The following EPG5 variants were observed in gnomAD, a reference collection of about 807,000 sequenced individuals.
EPG5 encodes the protein ectopic P granules protein 5 homolog.
EPG5 carries 159 observed loss-of-function variants against 302.7 expected under a neutral mutation model. The ratio of observed to expected loss-of-function variants is 0.53; its 90% CI spans 0.46 to 0.60. The LOEUF is 0.60. Ranked by LOEUF, EPG5 falls within the 20% of genes least tolerant of loss-of-function variation. The pLI is 0.00. For synonymous variants in EPG5, 1,158 were observed against 1,136.8 expected, an observed-to-expected ratio of 1.02 and a Z score of -0.37; for missense variants, 2,896 against 3,092.4, an observed-to-expected ratio of 0.94 and a Z score of 1.51.
intron 27 of EPG5, 86 bp from the exon 28 acceptor site, chr18:45,890,026 CT>C: frequency 8.3e-7 from 1 of 1,212,102 alleles, no homozygotes; most frequent in Non-Finnish European, 1.1e-6. Flanking sequence ...AAATTATTGT[CT>C]TATAAAAATA....
At chr18:45,956,448 G>A (rs1185691384) in intron 1 of EPG5, among the ~76,000 whole-genome samples, 1 of 146,268 alleles carries the variant, frequency 6.8e-6, no homozygotes, top group Non-Finnish European at 1.5e-5. Flanking sequence ...TCTTTAGGGT[G>A]TTTTATTTAT....
At position 45,852,472 on chromosome 18, in the gene EPG5, G is replaced by T; in HGVS notation, c.7735C>A (p.Arg2579=). 1 of 1,613,436 alleles carries T rather than the reference G, an allele frequency of 6.2e-7. No individual in the cohort carries two copies. The highest frequency in any genetic ancestry group is 1.3e-5 in the African/African-American group (1 of 74,980). The change falls in exon 44 of 44, where the codon CGA becomes AGA. Residue 2579 remains arginine (R), a synonymous_variant. Transcript: ENST00000282041. The part of the protein sequence containing the change: ...YPEVHYLDHI[R] Reference sequence around the variant, plus strand: ...TTCAAGAGCCTCAGTGTTAACTATCGTATGTGGTCCAAATAATGCACTTCT... The same window carrying T: ...TTCAAGAGCCTCAGTGTTAACTATCTTATGTGGTCCAAATAATGCACTTCT...
In EPG5 at chr18:45,878,994, C is replaced by T. The variant is rs751631563; in HGVS notation, c.5869+19G>A. ...AAAGTCCAAACACCTAGCTCCACAT[C>T]GCATGAGAAGTATATTACCTGTTTT... On this transcript the variant is annotated intron_variant, in intron 33 of 43. Transcript: ENST00000282041. 37 of 1,606,046 alleles carry T rather than the reference C, an allele frequency of 2.3e-5. No individual in the cohort carries two copies. Among genetic ancestry groups the T allele is most frequent in the African/African-American group, 4.0e-5 (3 of 74,856 alleles).
chr18:45,907,534 G>A (rs990842725), intron 24 of EPG5, among the ~76,000 whole-genome samples: 1 of 152,060 alleles, frequency 6.6e-6, no homozygotes, highest in Non-Finnish European at 1.5e-5. Context: ...AAACAAAGGT[G>A]AGCTCCTGAT....
At chr18:45,809,272 G>A in the EPG5 span, among the ~76,000 whole-genome samples, 4 of 152,084 alleles carry the variant, frequency 2.6e-5, no homozygotes, top group Admixed American at 2.0e-4. Flanking sequence ...CACAATAATA[G>A]TGGGGGACTT....
intron 24 of EPG5, among the ~76,000 whole-genome samples, chr18:45,905,315 G>A (rs1308775192): frequency 6.6e-6 from 1 of 152,108 alleles, no homozygotes; most frequent in Non-Finnish European, 1.5e-5. Context: ...GTGTTCTAAA[G>A]GCCCAAGGAT....
At chr18:45,838,713 T>C in the EPG5 span, 1 of 1,568,888 alleles carries the variant, frequency 6.4e-7, no homozygotes, top group Non-Finnish European at 8.6e-7. Flanking sequence ...CCTTCTCCCC[T>C]GCAGCCGCGC....
chr18:45,955,351 T>C lies in EPG5; in HGVS notation c.64-13A>G. ...ACTTCTTCTTTTCCTAAAAACAACATACATAATGTGAAATAATTTATCACA... is the reference window on the plus strand; with the variant it reads ...ACTTCTTCTTTTCCTAAAAACAACACACATAATGTGAAATAATTTATCACA... On this transcript the variant is annotated splice_polypyrimidine_tract_variant and intron_variant, in intron 1 of 43. Transcript: ENST00000282041. The C allele has an allele frequency of 6.7e-7, 1 of 1,482,154 alleles. No homozygotes were observed. Among genetic ancestry groups the C allele is most frequent in the Non-Finnish European group, 9.1e-7 (1 of 1,102,318 alleles). 91.8% of individuals were successfully genotyped at this position (1,482,154 alleles called of 1,614,324 possible). A position where few individuals can be genotyped will look rare whatever the true frequency, so the allele number is the denominator to read the frequency against.
At chr18:45,927,204 T>G (rs540841541) in intron 13 of EPG5, among the ~76,000 whole-genome samples, 47 of 150,378 alleles carry the variant, frequency 3.1e-4, no homozygotes, top group African/African-American at 8.5e-4. Context: ...GGCTAATTTG[T>G]TTTTTTTTCC....
chr18:45,957,825 A>G (rs7226881), intron 1 of EPG5, among the ~76,000 whole-genome samples: 45,204 of 152,162 alleles, frequency 0.3, 9,331 homozygotes, highest in African/African-American at 0.57. Flanking sequence ...TGGCAATGCT[A>G]AACCATCACA....
intron 39 of EPG5, among the ~76,000 whole-genome samples, chr18:45,861,798 T>C (rs2048642024): frequency 6.6e-6 from 1 of 152,208 alleles, no homozygotes; most frequent in African/African-American, 2.4e-5. Flanking sequence ...TCAAGGGTCT[T>C]GTCCATTTTT....
At chr18:45,884,232 T>A (rs1007164009) in intron 30 of EPG5, among the ~76,000 whole-genome samples, 1 of 152,138 alleles carries the variant, frequency 6.6e-6, no homozygotes, top group Non-Finnish European at 1.5e-5. Flanking sequence ...TAGAGTCTCA[T>A]AGAAGTGCGA....
At position 45,962,209 on chromosome 18, in the gene EPG5, A is replaced by C. The variant is rs142813191; in HGVS notation, c.63+4968T>G. On this transcript the variant is annotated intron_variant, in intron 1 of 43. Coordinates refer to ENST00000282041, the MANE Select transcript of EPG5 (RefSeq NM_020964.3). ...TACTATGCAGCATCCCCCAACTTCAAACCAATAACCACTCCTGATAGAAAG... is the reference window on the plus strand; with the variant it reads ...TACTATGCAGCATCCCCCAACTTCACACCAATAACCACTCCTGATAGAAAG... Among the ~76,000 whole-genome samples, 1,061 of 152,296 alleles carry C rather than the reference A, an allele frequency of 7.0e-3. 10 individuals are homozygous for C. Among genetic ancestry groups the C allele is most frequent in the African/African-American group, 0.024 (997 of 41,560 alleles).
chr18:45,837,994 G>A, the EPG5 span: 2 of 1,363,758 alleles, frequency 1.5e-6, no homozygotes, highest in Non-Finnish European at 1.9e-6. Context: ...TGCTGAGCCA[G>A]GAAGGGCAAC....
In EPG5 at chr18:45,917,705, G is replaced by A. The variant is rs774792040; in HGVS notation, c.3213C>T (p.Cys1071=). The change falls in exon 17 of 44, where the codon TGC becomes TGT. Residue 1071 remains cysteine, a synonymous_variant. Coordinates refer to ENST00000282041, the MANE Select transcript of EPG5 (RefSeq NM_020964.3). ...GCTCATTCTTCAGAAGGTAATACTG[G>A]CAAGGGTAAAATAAAGGCAGAATCT... ...LDKILPLFYP[C]QYYLLKNEQF... 6.2e-7 allele frequency: 1 copy of A among 1,614,112 alleles called. No individual in the cohort carries two copies.
the EPG5 span, chr18:45,837,001 A>C: frequency 7.1e-6 from 8 of 1,120,796 alleles, no homozygotes; most frequent in Non-Finnish European, 1.1e-5. Flanking sequence ...TTCACGTGTA[A>C]CCCGGGGTTA....
intron 10 of EPG5, among the ~76,000 whole-genome samples, chr18:45,935,218 CT>C (rs1207921560): frequency 2.0e-5 from 3 of 152,168 alleles, no homozygotes; most frequent in African/African-American, 7.2e-5. Flanking sequence ...ACAATATCAA[CT>C]CAAACCATCC....
In EPG5 at chr18:45,943,224, C is replaced by T. The variant is rs1488725589; in HGVS notation, c.1880G>A (p.Gly627Glu). The part of the protein sequence containing the change: ...ANSLVELLAV[G>E]LETFNRARYR... Reference sequence around the variant, plus strand: ...GCGTGCTCTATTAAAGGTTTCTAACCCCACAGCCAGAAGTTCCACTAGTGA... The same window carrying T: ...GCGTGCTCTATTAAAGGTTTCTAACTCCACAGCCAGAAGTTCCACTAGTGA... Residue 627 changes from glycine to glutamate, a missense_variant, in exon 9 of 44, where the codon GGG becomes GAG. Gly to Glu is a moderately conservative substitution (Grantham distance 98). Coordinates refer to ENST00000282041, the MANE Select transcript of EPG5 (RefSeq NM_020964.3). The T allele has an allele frequency of 1.2e-6, 2 of 1,614,100 alleles. No individual in the cohort carries two copies. Among genetic ancestry groups the T allele is most frequent in the Non-Finnish European group, 1.7e-6 (2 of 1,180,016 alleles).
At chr18:45,814,959 C>G in the EPG5 span, among the ~76,000 whole-genome samples, 3 of 152,200 alleles carry the variant, frequency 2.0e-5, no homozygotes, top group Non-Finnish European at 4.4e-5. Flanking sequence ...GACAATGACC[C>G]TGGGAACTGA....
Sources: gnomAD v4.1 joint callset for allele counts (sites outside exome capture counted in the v4.1 genomes callset) on GRCh38, gnomAD v4.1.1 for gene constraint, MANE v1.5 for transcripts, NCBI Gene and HGNC (gene_info 2026-07-23, HGNC 2026-07-21) for gene names.